The following ANO3 variants were observed in gnomAD, a reference collection of about 807,000 sequenced individuals.
ANO3 encodes the protein anoctamin-3.
A neutral mutation model predicts 144.8 loss-of-function variants in ANO3; 99 were observed. The ratio of observed to expected loss-of-function variants is 0.68; its 90% CI spans 0.58 to 0.81. The LOEUF (loss-of-function observed/expected upper bound fraction) is 0.81, where lower values mean the gene tolerates loss of function less well. Ranked by LOEUF, ANO3 falls within the 30% of genes least tolerant of loss-of-function variation. The probability of loss-of-function intolerance (pLI) is 0.00; values close to 1 mark genes in which losing one functional copy is unlikely to be tolerated. For missense variants in ANO3, 905 were observed against 1,202.2 expected (o/e 0.75, Z 3.66); for synonymous variants, 414 against 392.6 (o/e 1.05, Z -0.64).
intron 1 of ANO3, among the ~76,000 whole-genome samples, chr11:26,360,725 G>A (rs4500442): frequency 0.93 from 142,106 of 152,228 alleles, 66,483 homozygotes; most frequent in East Asian, 1. Context: ...AGCTTTCTCT[G>A]CTCTACTTTG....
At chr11:26,482,854 T>C (rs535117574) in intron 4 of ANO3, among the ~76,000 whole-genome samples, 84 of 152,342 alleles carry the variant, frequency 5.5e-4, no homozygotes, top group African/African-American at 2.0e-3. Context: ...ATATTTGATT[T>C]TGTCTGTCTG....
At chr11:26,447,417 G>A (rs1858743766) in intron 3 of ANO3, among the ~76,000 whole-genome samples, 1 of 151,950 alleles carries the variant, frequency 6.6e-6, no homozygotes, top group Admixed American at 6.6e-5. Context: ...TTTGCCAAAT[G>A]TCACATAGCT....
intron 4 of ANO3, among the ~76,000 whole-genome samples, chr11:26,493,456 C>T (rs1288978390): frequency 2.6e-5 from 4 of 152,280 alleles, no homozygotes; most frequent in Admixed American, 6.5e-5. Flanking sequence ...CACAGAATTA[C>T]GGCCTTGTGT....
chr11:26,337,805 G>T (rs1390393821), intron 1 of ANO3, among the ~76,000 whole-genome samples: 1 of 151,912 alleles, frequency 6.6e-6, no homozygotes, highest in Non-Finnish European at 1.5e-5. Flanking sequence ...TGTGGTGACG[G>T]GCACCTGTAA....
chr11:26,458,591 T>G (rs1325459485), intron 3 of ANO3, among the ~76,000 whole-genome samples: 1 of 152,180 alleles, frequency 6.6e-6, no homozygotes, highest in Non-Finnish European at 1.5e-5. Context: ...CTTTTTAACT[T>G]AAGATTATAG....
chr11:26,235,298 A>C (rs1432673727), intron 1 of ANO3, among the ~76,000 whole-genome samples: 2 of 152,246 alleles, frequency 1.3e-5, no homozygotes, highest in African/African-American at 4.8e-5. Context: ...TTTTTAAAAG[A>C]TATTATTCTG....
chr11:26,473,359 C>T (rs1859848797), intron 4 of ANO3, among the ~76,000 whole-genome samples: 1 of 151,784 alleles, frequency 6.6e-6, no homozygotes, highest in Non-Finnish European at 1.5e-5. Context: ...TGCTTGTTTA[C>T]CTTTAGGTGA....
chr11:26,362,762 T>A (rs1378776398), intron 1 of ANO3, among the ~76,000 whole-genome samples: 1 of 152,192 alleles, frequency 6.6e-6, no homozygotes, highest in Non-Finnish European at 1.5e-5. Flanking sequence ...GCTATTTTTT[T>A]AATTAACTTG....
chr11:26,258,228 C>T (rs1418217045), intron 1 of ANO3, among the ~76,000 whole-genome samples: 1 of 152,106 alleles, frequency 6.6e-6, no homozygotes, highest in Admixed American at 6.5e-5. Flanking sequence ...AAGTGTAATA[C>T]TCTTTGACTC....
chr11:26,332,844 T>C (rs916297646), intron 1 of ANO3, among the ~76,000 whole-genome samples: 4 of 152,180 alleles, frequency 2.6e-5, no homozygotes, highest in African/African-American at 9.7e-5. Context: ...TGTTTGCCCA[T>C]GTCCCATGCT....
At chr11:26,424,540 A>C (rs1439151810) in intron 1 of ANO3, among the ~76,000 whole-genome samples, 2 of 152,000 alleles carry the variant, frequency 1.3e-5, no homozygotes, top group African/African-American at 4.8e-5. Flanking sequence ...ACTATCAGCT[A>C]ACACCATTTT....
At position 26,531,132 on chromosome 11, in the gene ANO3, T is replaced by A. The variant is rs9988806; in HGVS notation, c.738-73T>A. 926,497 of 1,536,896 alleles carry A rather than the reference T, an allele frequency of 0.6. 282,839 individuals are homozygous for A. The highest frequency in any genetic ancestry group is 0.82 in the East Asian group (36,319 of 44,318). On this transcript the variant is annotated intron_variant, in intron 7 of 26. Coordinates refer to ENST00000256737, the MANE Select transcript of ANO3 (RefSeq NM_031418.4). ...CAAAGAAGTTTCTTTAGTACTTAAG[T>A]GAATTGTAGTGGAAGGTAGTCATGG... is the stretch of plus-strand genomic sequence containing the variant.
At chr11:26,525,942 ATG>A (rs759261379) in intron 7 of ANO3, among the ~76,000 whole-genome samples, 1,757 of 112,194 alleles carry the variant, frequency 0.016, 30 homozygotes, top group African/African-American at 0.047. Flanking sequence ...GCAAGTTCAC[ATG>A]TTATGATATT....
chr11:26,308,820 A>G (rs1006111240), upstream of ANO3, among the ~76,000 whole-genome samples: 6 of 152,238 alleles, frequency 3.9e-5, no homozygotes, highest in Non-Finnish European at 7.3e-5. Context: ...CCACTTGCTG[A>G]ATACTTACTA....
In ANO3 at chr11:26,589,520, C is replaced by A. The variant is rs374843135; in HGVS notation, c.1448-8845C>A. On this transcript the variant is annotated intron_variant, in intron 14 of 26. Coordinates refer to ENST00000256737, the MANE Select transcript of ANO3 (RefSeq NM_031418.4). ...TTTGCATATTCACAGAGCCGCACAA[C>A]CCTCACTACAATCAATGTTTGACCA... 2.6e-5 allele frequency among the ~76,000 whole-genome samples: 4 copies of A among 151,620 alleles called. No individual in the cohort carries two copies. In the East Asian group the frequency reaches 5.8e-4, roughly 22 times the overall value.
chr11:26,344,262 T>C (rs1347639747), intron 1 of ANO3, among the ~76,000 whole-genome samples: 1 of 152,128 alleles, frequency 6.6e-6, no homozygotes, highest in Non-Finnish European at 1.5e-5. Context: ...TTATGCATCT[T>C]ATAATACGAA....
intron 1 of ANO3, among the ~76,000 whole-genome samples, chr11:26,195,711 T>C (rs1564912429): frequency 6.6e-6 from 1 of 152,178 alleles, no homozygotes; most frequent in Non-Finnish European, 1.5e-5. Flanking sequence ...ATATCCTGAA[T>C]TGTTATACCC....
At chr11:26,615,726 C>G (rs571171383) in intron 17 of ANO3, among the ~76,000 whole-genome samples, 1 of 152,214 alleles carries the variant, frequency 6.6e-6, no homozygotes, top group East Asian at 1.9e-4. Context: ...TTTCTTCTTG[C>G]AAAATACCAA....
intron 1 of ANO3, among the ~76,000 whole-genome samples, chr11:26,235,002 AAGAGAG>A (rs10694750): frequency 7.1e-6 from 1 of 140,166 alleles, no homozygotes; most frequent in Non-Finnish European, 1.6e-5. Context: ...AGAGAAAAGA[AAGAGAG>A]AGAGAGAGAG....
Sources: gnomAD v4.1 joint callset for allele counts (sites outside exome capture counted in the v4.1 genomes callset) on GRCh38, gnomAD v4.1.1 for gene constraint, MANE v1.5 for transcripts, NCBI Gene and HGNC (gene_info 2026-07-23, HGNC 2026-07-21) for gene names.